GNAQ: variants seen among roughly 807,000 people sequenced by gnomAD.
The protein encoded by GNAQ is guanine nucleotide-binding protein G(q) subunit alpha.
Under a neutral mutation model 43.9 loss-of-function variants are expected in GNAQ, and 8 were observed. The ratio of observed to expected loss-of-function variants is 0.18; its 90% confidence interval spans 0.11 to 0.33. The LOEUF is 0.33. GNAQ is among the 10% of genes least tolerant of loss of function. GNAQ has a pLI of 1.00. For missense variants in GNAQ, 158 were observed against 450.8 expected, an observed-to-expected ratio of 0.35 and a Z score of 5.88; for synonymous variants, 155 against 170.7, an observed-to-expected ratio of 0.91 and a Z score of 0.71.
chr9:77,906,794 C>T (rs113399744), intron 2 of GNAQ, among the ~76,000 whole-genome samples: 3,459 of 152,234 alleles, frequency 0.023, 140 homozygotes, highest in African/African-American at 0.079. Flanking sequence ...CAACTCCAAA[C>T]CTCAATGGGG....
intron 1 of GNAQ, among the ~76,000 whole-genome samples, chr9:77,968,250 G>GAA (rs1467694529): frequency 6.6e-6 from 1 of 151,996 alleles, no homozygotes; most frequent in Non-Finnish European, 1.5e-5. Context: ...TAGAAAGGCA[G>GAA]AAACAAAAAT....
intron 2 of GNAQ, among the ~76,000 whole-genome samples, chr9:77,904,926 T>A (rs1309595705): frequency 1.3e-5 from 2 of 152,072 alleles, no homozygotes; most frequent in Admixed American, 1.3e-4. Context: ...ATATAATAAA[T>A]TATACAAAAG....
chr9:77,928,252 A>G (rs949004396), intron 1 of GNAQ, among the ~76,000 whole-genome samples: 2 of 152,190 alleles, frequency 1.3e-5, no homozygotes, highest in African/African-American at 2.4e-5. Context: ...CTAAGACCAA[A>G]GTTGCCATAA....
intron 2 of GNAQ, among the ~76,000 whole-genome samples, chr9:77,863,494 C>G (rs1827894893): frequency 6.6e-6 from 1 of 152,172 alleles, no homozygotes; most frequent in Non-Finnish European, 1.5e-5. Flanking sequence ...GAGTTCCAAA[C>G]TTTCCTACAT....
At chr9:78,026,544 A>G (rs932937090) in intron 1 of GNAQ, among the ~76,000 whole-genome samples, 1 of 152,114 alleles carries the variant, frequency 6.6e-6, no homozygotes, top group Non-Finnish European at 1.5e-5. Context: ...TAAACACCAT[A>G]TTTTGCTATT....
At chr9:77,900,764 T>C (rs1482222461) in intron 2 of GNAQ, among the ~76,000 whole-genome samples, 1 of 152,150 alleles carries the variant, frequency 6.6e-6, no homozygotes, top group Non-Finnish European at 1.5e-5. Context: ...TTACCCTTCT[T>C]TCTTGGCAGA....
At chr9:77,965,912 GCCAAACA>G (rs1305698282) in intron 1 of GNAQ, among the ~76,000 whole-genome samples, 1 of 150,902 alleles carries the variant, frequency 6.6e-6, no homozygotes, top group African/African-American at 2.4e-5. Flanking sequence ...ATTTGTCGTA[GCCAAACA>G]CTGGAAACAA....
intron 1 of GNAQ, among the ~76,000 whole-genome samples, chr9:78,024,285 C>T (rs1422034853): frequency 2.0e-5 from 3 of 152,016 alleles, no homozygotes; most frequent in South Asian, 2.1e-4. Context: ...ACTGTGCGCC[C>T]GGTGGCCCAC....
At chr9:77,768,010 A>C (rs1007470787) in intron 5 of GNAQ, among the ~76,000 whole-genome samples, 3 of 152,230 alleles carry the variant, frequency 2.0e-5, no homozygotes, top group African/African-American at 7.2e-5. Context: ...ATATTATTAA[A>C]ATAATCATGC....
intron 2 of GNAQ, among the ~76,000 whole-genome samples, chr9:77,819,924 C>A (rs1371275460): frequency 6.6e-6 from 1 of 151,688 alleles, no homozygotes; most frequent in Non-Finnish European, 1.5e-5. Context: ...TCATCTTGTA[C>A]AAGCTATTTA....
At position 77,935,515 on chromosome 9, in the gene GNAQ, G is replaced by T. The variant is rs374470361; in HGVS notation, c.137-13170C>A. Among the ~76,000 whole-genome samples, 3 of 152,298 alleles carry T rather than the reference G, an allele frequency of 2.0e-5. No homozygotes were observed. In the East Asian group the frequency reaches 5.8e-4, roughly 29 times the overall value. On this transcript the variant is annotated intron_variant, in intron 1 of 6. Coordinates refer to ENST00000286548, the MANE Select transcript of GNAQ (RefSeq NM_002072.5). ...ATTGGAGATAGGAAGTTGCCCCTTGGTAGCGAATGCTCAGAGAACTTCGAA... is the reference window on the plus strand; with the variant it reads ...ATTGGAGATAGGAAGTTGCCCCTTGTTAGCGAATGCTCAGAGAACTTCGAA...
chr9:77,851,046 C>A (rs967316976), intron 2 of GNAQ, among the ~76,000 whole-genome samples: 2 of 152,152 alleles, frequency 1.3e-5, no homozygotes, highest in Admixed American at 1.3e-4. Context: ...AAAGATGTCA[C>A]CCATCCCCAG....
At chr9:77,727,815 A>G (rs1825421432) in intron 6 of GNAQ, among the ~76,000 whole-genome samples, 1 of 152,128 alleles carries the variant, frequency 6.6e-6, no homozygotes, top group African/African-American at 2.4e-5. Flanking sequence ...ACCTTGATAG[A>G]CTGATTTCAG....
intron 1 of GNAQ, among the ~76,000 whole-genome samples, chr9:77,954,520 C>A (rs1230978147): frequency 6.6e-6 from 1 of 152,112 alleles, no homozygotes; most frequent in Middle Eastern, 3.2e-3. Flanking sequence ...TTGGGCACAC[C>A]CACTGTGTCA....
intron 1 of GNAQ, among the ~76,000 whole-genome samples, chr9:78,020,113 A>G (rs771520487): frequency 1.3e-5 from 2 of 152,120 alleles, no homozygotes; most frequent in Non-Finnish European, 2.9e-5. Context: ...TCCACTTTGC[A>G]TGAATCTACC....
chr9:77,835,967 A>T (rs1014851900), intron 2 of GNAQ, among the ~76,000 whole-genome samples: 2 of 152,236 alleles, frequency 1.3e-5, no homozygotes, highest in African/African-American at 4.8e-5. Flanking sequence ...ACTGCAAAAT[A>T]GGCTTTCTAG....
At chr9:77,905,295 C>G (rs923417890) in intron 2 of GNAQ, among the ~76,000 whole-genome samples, 2 of 152,100 alleles carry the variant, frequency 1.3e-5, no homozygotes, top group African/African-American at 4.8e-5. Context: ...CAAAACCACG[C>G]CTATGAGTAT....
chr9:77,788,339 CAG>C (rs1826516676), intron 5 of GNAQ, among the ~76,000 whole-genome samples: 1 of 151,946 alleles, frequency 6.6e-6, no homozygotes, highest in African/African-American at 2.4e-5. Context: ...ATAAATGAAA[CAG>C]AGTCATGTGT....
intron 2 of GNAQ, among the ~76,000 whole-genome samples, chr9:77,853,971 T>C (rs183711268): frequency 0.016 from 2,462 of 152,234 alleles, 25 homozygotes; most frequent in Non-Finnish European, 0.025. Context: ...AAGCCACTGC[T>C]ATAGGAAAAA....
Sources: gnomAD v4.1 joint callset for allele counts (sites outside exome capture counted in the v4.1 genomes callset) on GRCh38, gnomAD v4.1.1 for gene constraint, MANE v1.5 for transcripts, NCBI Gene and HGNC (gene_info 2026-07-23, HGNC 2026-07-21) for gene names.